TCF12: variants seen among roughly 807,000 people sequenced by gnomAD.
TCF12 encodes transcription factor 12, also known as DNA-binding protein HTF4.
TCF12 carries 45 observed loss-of-function variants against 86.0 expected under a neutral mutation model. The observed-to-expected ratio is 0.52, with a 90% CI of 0.41 to 0.67. TCF12 has a LOEUF of 0.67. TCF12 is among the 30% of genes least tolerant of loss of function. TCF12 has a pLI of 0.00. For missense variants in TCF12, 881 were observed against 859.9 expected (o/e 1.02, Z -0.31); for synonymous variants, 330 against 299.6 (o/e 1.10, Z -1.05).
At chr15:57,269,456 G>T (rs865920686) in intron 18 of TCF12, among the ~76,000 whole-genome samples, 1 of 135,892 alleles carries the variant, frequency 7.4e-6, no homozygotes. Flanking sequence ...GTATCTTTGC[G>T]CATGAAGTGG....
At chr15:56,977,002 T>G (rs1681341405) in intron 3 of TCF12, among the ~76,000 whole-genome samples, 1 of 152,226 alleles carries the variant, frequency 6.6e-6, no homozygotes, top group African/African-American at 2.4e-5. Flanking sequence ...AATAGCTATA[T>G]GTATCTAGTG....
At chr15:57,104,167 A>G (rs2049953736) in intron 5 of TCF12, among the ~76,000 whole-genome samples, 2 of 152,198 alleles carry the variant, frequency 1.3e-5, no homozygotes, top group Admixed American at 1.3e-4. Context: ...ATTGGAAGTT[A>G]GTATCAGGAG....
At chr15:57,148,400 A>G (rs2053515733) in intron 5 of TCF12, among the ~76,000 whole-genome samples, 1 of 118,174 alleles carries the variant, frequency 8.5e-6, no homozygotes, top group Admixed American at 1.0e-4. Context: ...GCAGCAGAGG[A>G]AGACTTTGTT....
chr15:57,279,912 C>CA (rs2061604754), intron 19 of TCF12, among the ~76,000 whole-genome samples: 2 of 102,108 alleles, frequency 2.0e-5, no homozygotes, highest in Non-Finnish European at 3.5e-5. Flanking sequence ...TTTTTGGAGA[C>CA]AGAGTTTTGC....
At chr15:56,970,499 A>C (rs1486899367) in intron 3 of TCF12, among the ~76,000 whole-genome samples, 3 of 150,882 alleles carry the variant, frequency 2.0e-5, no homozygotes, top group Admixed American at 2.0e-4. Context: ...AAAAAAAAAA[A>C]AAACAAGATT....
intron 5 of TCF12, among the ~76,000 whole-genome samples, chr15:57,135,461 A>G (rs2151375510): frequency 6.6e-6 from 1 of 152,282 alleles, no homozygotes; most frequent in African/African-American, 2.4e-5. Flanking sequence ...TTACGGTAGT[A>G]TCCAAAATGA....
chr15:57,103,644 C>G (rs1237567935), intron 5 of TCF12, among the ~76,000 whole-genome samples: 2 of 152,126 alleles, frequency 1.3e-5, no homozygotes, highest in African/African-American at 4.8e-5. Flanking sequence ...GATGTGTATG[C>G]AAGAATGTTT....
intron 5 of TCF12, among the ~76,000 whole-genome samples, chr15:57,108,487 A>G (rs2050278050): frequency 6.6e-6 from 1 of 152,154 alleles, no homozygotes; most frequent in South Asian, 2.1e-4. Flanking sequence ...CTCCCCTAAA[A>G]TGATGATTCT....
At chr15:57,246,470 G>A (rs1389589700) in intron 13 of TCF12, among the ~76,000 whole-genome samples, 3 of 152,102 alleles carry the variant, frequency 2.0e-5, no homozygotes, top group Non-Finnish European at 2.9e-5. Context: ...CTATGTCAGG[G>A]CTCCTGCTCT....
intron 5 of TCF12, among the ~76,000 whole-genome samples, chr15:57,103,315 G>T (rs1033761908): frequency 6.6e-6 from 1 of 152,094 alleles, no homozygotes; most frequent in Non-Finnish European, 1.5e-5. Flanking sequence ...AGTGATTAAT[G>T]GTTAGTATTT....
At chr15:56,944,199 G>T (rs186177178) in intron 3 of TCF12, among the ~76,000 whole-genome samples, 12 of 152,090 alleles carry the variant, frequency 7.9e-5, no homozygotes, top group African/African-American at 2.9e-4. Flanking sequence ...ATTTCCATAG[G>T]GCCATATTAT....
At chr15:57,282,308 G>T in intron 19 of TCF12, 137 bp from the exon 20 acceptor site, 2 of 992,068 alleles carry the variant, frequency 2.0e-6, no homozygotes, top group Non-Finnish European at 3.0e-6. Flanking sequence ...GAGGTTTTAT[G>T]TGAGCACATT....
intron 6 of TCF12, among the ~76,000 whole-genome samples, chr15:57,178,455 G>C (rs1051525860): frequency 2.6e-5 from 4 of 152,252 alleles, no homozygotes; most frequent in Non-Finnish European, 5.9e-5. Context: ...AGGATACTTA[G>C]TTGCTCCATG....
At chr15:57,062,158 G>C (rs1006854828) in intron 3 of TCF12, among the ~76,000 whole-genome samples, 2 of 151,944 alleles carry the variant, frequency 1.3e-5, no homozygotes, top group Non-Finnish European at 2.9e-5. Context: ...GGGTTTCTCC[G>C]TATTAGCCAG....
intron 19 of TCF12, among the ~76,000 whole-genome samples, chr15:57,279,891 T>TTC (rs1222276679): frequency 4.7e-5 from 7 of 148,274 alleles, no homozygotes; most frequent in Admixed American, 4.7e-4. Flanking sequence ...TCACTTTTTT[T>TTC]TTTTTTTTTT....
intron 3 of TCF12, among the ~76,000 whole-genome samples, chr15:57,050,382 C>T (rs570134605): frequency 5.9e-5 from 9 of 152,262 alleles, no homozygotes; most frequent in African/African-American, 2.2e-4. Context: ...ATCCTTCATG[C>T]TTAAAGGATG....
intron 5 of TCF12, among the ~76,000 whole-genome samples, chr15:57,097,590 T>C (rs1158510754): frequency 2.6e-5 from 4 of 152,098 alleles, no homozygotes; most frequent in Non-Finnish European, 4.4e-5. Flanking sequence ...CTTCACTAGA[T>C]GAGATACTGA....
At chr15:57,140,937 A>C (rs2052916692) in intron 5 of TCF12, among the ~76,000 whole-genome samples, 1 of 152,036 alleles carries the variant, frequency 6.6e-6, no homozygotes, top group Non-Finnish European at 1.5e-5. Flanking sequence ...CTGTGCTTTG[A>C]ACATCTCTAA....
At chr15:56,965,788 G>GA (rs1173218911) in intron 3 of TCF12, among the ~76,000 whole-genome samples, 3 of 151,970 alleles carry the variant, frequency 2.0e-5, no homozygotes, top group Admixed American at 2.0e-4. Flanking sequence ...CAAGTCGAGT[G>GA]AAAAAAACTC....
Sources: allele counts gnomAD v4.1 joint callset (sites outside exome capture counted in the v4.1 genomes callset), GRCh38; gene constraint gnomAD v4.1.1; transcripts MANE v1.5; gene names NCBI Gene and HGNC (gene_info 2026-07-23, HGNC 2026-07-21).